The following XRCC4 variants were observed in gnomAD, a reference collection of about 807,000 sequenced individuals.
The protein encoded by XRCC4 is X-ray repair cross complementing 4, also known as DNA repair protein XRCC4.
Under a neutral mutation model 39.1 loss-of-function variants are expected in XRCC4, and 28 were observed. The ratio of observed to expected loss-of-function variants is 0.72; its 90% CI spans 0.53 to 0.98. The LOEUF (loss-of-function observed/expected upper bound fraction) is 0.98, where lower values mean the gene tolerates loss of function less well. Ranked by LOEUF, XRCC4 falls within the 50% of genes least tolerant of loss-of-function variation. XRCC4 has a pLI of 0.00. For synonymous variants in XRCC4, 123 were observed against 126.4 expected (o/e 0.97, Z 0.18); for missense variants, 350 against 376.4 (o/e 0.93, Z 0.58).
At chr5:83,250,735 A>AT (rs1464574644) in intron 6 of XRCC4, among the ~76,000 whole-genome samples, 1 of 152,196 alleles carries the variant, frequency 6.6e-6, no homozygotes, top group Non-Finnish European at 1.5e-5. Context: ...TAGCCCTTTA[A>AT]TTTTCTCTTT....
rs1239194974 is a variant in XRCC4, at chr5:83,155,879, G to GT, written c.316-39884dup. ...GTCTAAACCTATCGTTATTTTAGAT[G>GT]TTTTTTTCTCTAGCGTTAAATAGAC... On this transcript the variant is annotated intron_variant, in intron 3 of 7. Coordinates refer to ENST00000396027, the MANE Select transcript of XRCC4 (RefSeq NM_003401.5). Among the ~76,000 whole-genome samples the GT allele has an allele frequency of 4.0e-5, 6 of 151,870 alleles. 1 individual carries two copies. The highest frequency in any genetic ancestry group is 4.2e-4 in the South Asian group (2 of 4,818).
intron 7 of XRCC4, among the ~76,000 whole-genome samples, chr5:83,328,418 A>G (rs1030348895): frequency 1.3e-5 from 2 of 152,140 alleles, no homozygotes; most frequent in Non-Finnish European, 2.9e-5. Flanking sequence ...ATATTTAGCA[A>G]AGTGGCTTGA....
chr5:83,277,108 C>A (rs1400439294), intron 7 of XRCC4, among the ~76,000 whole-genome samples: 1 of 152,134 alleles, frequency 6.6e-6, no homozygotes, highest in Non-Finnish European at 1.5e-5. Flanking sequence ...TGTTGGGAAC[C>A]TTTCAAGTTG....
At chr5:83,283,016 T>C (rs1754601568) in intron 7 of XRCC4, among the ~76,000 whole-genome samples, 1 of 148,884 alleles carries the variant, frequency 6.7e-6, no homozygotes. Flanking sequence ...TTCCATATTG[T>C]CTACAGCGAA....
the XRCC4 span, among the ~76,000 whole-genome samples, chr5:83,359,897 T>C: frequency 6.6e-6 from 1 of 152,184 alleles, no homozygotes; most frequent in Non-Finnish European, 1.5e-5. Context: ...TTTAAGTTTA[T>C]TAAAATGCCA....
chr5:83,254,081 G>GTTTTTTT (rs80017147), intron 6 of XRCC4, among the ~76,000 whole-genome samples: 7 of 117,730 alleles, frequency 5.9e-5, no homozygotes, highest in Non-Finnish European at 9.1e-5. Context: ...ATCGTTTTTT[G>GTTTTTTT]TTTTTTTTTT....
chr5:83,094,694 A>G (rs79329622), intron 1 of XRCC4, among the ~76,000 whole-genome samples: 2,275 of 150,870 alleles, frequency 0.015, 42 homozygotes, highest in African/African-American at 0.053. Context: ...TTTTTTCCCA[A>G]AAGAGTTGAG....
At chr5:83,113,157 C>T (rs1015369037) in intron 3 of XRCC4, among the ~76,000 whole-genome samples, 2 of 152,146 alleles carry the variant, frequency 1.3e-5, no homozygotes, top group African/African-American at 4.8e-5. Context: ...GTAAACATAC[C>T]CATTTCAAAT....
chr5:83,146,219 T>G (rs1252562218), intron 3 of XRCC4, among the ~76,000 whole-genome samples: 1 of 152,162 alleles, frequency 6.6e-6, no homozygotes, highest in Non-Finnish European at 1.5e-5. Flanking sequence ...GAAATGAAAG[T>G]AAGCAAAGGG....
chr5:83,372,371 G>A, the XRCC4 span, among the ~76,000 whole-genome samples: 1 of 152,142 alleles, frequency 6.6e-6, no homozygotes, highest in East Asian at 1.9e-4. Context: ...GTGGAGTGCA[G>A]AACTTCAAGA....
At chr5:83,289,955 G>A (rs1351726664) in intron 7 of XRCC4, among the ~76,000 whole-genome samples, 3 of 151,732 alleles carry the variant, frequency 2.0e-5, no homozygotes, top group Non-Finnish European at 2.9e-5. Flanking sequence ...GGAAAGGATG[G>A]AGACTCCCTA....
intron 3 of XRCC4, among the ~76,000 whole-genome samples, chr5:83,186,527 C>T (rs1181755549): frequency 6.6e-6 from 1 of 152,146 alleles, no homozygotes. Flanking sequence ...TTGGGCCCAC[C>T]TGGCTAATTC....
At chr5:83,148,185 G>A (rs1748547157) in intron 3 of XRCC4, among the ~76,000 whole-genome samples, 1 of 152,078 alleles carries the variant, frequency 6.6e-6, no homozygotes, top group African/African-American at 2.4e-5. Context: ...TATTAAATAT[G>A]GCAGTTGTGA....
chr5:83,337,594 C>G (rs999809318), intron 7 of XRCC4, among the ~76,000 whole-genome samples: 11 of 152,288 alleles, frequency 7.2e-5, no homozygotes, highest in African/African-American at 2.6e-4. Context: ...TTGGATGGCT[C>G]TCAGCCTTGT....
chr5:83,307,671 C>A (rs962250918), intron 7 of XRCC4, among the ~76,000 whole-genome samples: 1 of 152,052 alleles, frequency 6.6e-6, no homozygotes, highest in Non-Finnish European at 1.5e-5. Flanking sequence ...ATGACAAATT[C>A]AGAAGCACAG....
intron 6 of XRCC4, among the ~76,000 whole-genome samples, chr5:83,223,825 T>TC (rs1474117882): frequency 4.7e-5 from 4 of 84,288 alleles, no homozygotes; most frequent in African/African-American, 9.7e-5. Context: ...ATGCTATCCC[T>TC]CCCCCCTCCC....
chr5:83,167,236 T>G (rs1488880504), intron 3 of XRCC4, among the ~76,000 whole-genome samples: 1 of 152,094 alleles, frequency 6.6e-6, no homozygotes, highest in Non-Finnish European at 1.5e-5. Context: ...TGAGCTTTTT[T>G]TTTTTTCATA....
intron 6 of XRCC4, among the ~76,000 whole-genome samples, chr5:83,234,654 T>A (rs902351473): frequency 6.6e-6 from 1 of 152,178 alleles, no homozygotes; most frequent in Non-Finnish European, 1.5e-5. Context: ...AAACTTATGC[T>A]GGTTATGAAG....
chr5:83,135,449 G>A (rs79771323), intron 3 of XRCC4, among the ~76,000 whole-genome samples: 2,184 of 150,464 alleles, frequency 0.015, 59 homozygotes, highest in African/African-American at 0.051. Context: ...CTGCCTTTAA[G>A]CAAGTTGATT....
Sources: allele counts gnomAD v4.1 joint callset (sites outside exome capture counted in the v4.1 genomes callset), GRCh38; gene constraint gnomAD v4.1.1; transcripts MANE v1.5; gene names NCBI Gene and HGNC (gene_info 2026-07-23, HGNC 2026-07-21).